Variants in ENTREP2 observed in about 807,000 individuals in gnomAD.
The protein encoded by ENTREP2 is endosomal transmembrane epsin interactor 2, also known as protein ENTREP2.
the ENTREP2 span, among the ~76,000 whole-genome samples, chr15:29,379,803 G>A: frequency 6.6e-6 from 1 of 152,150 alleles, no homozygotes; most frequent in South Asian, 2.1e-4. Flanking sequence ...GGGGGTGATT[G>A]GGTGATGGAC....
At chr15:29,583,913 G>A in the ENTREP2 span, among the ~76,000 whole-genome samples, 7 of 152,040 alleles carry the variant, frequency 4.6e-5, no homozygotes, top group African/African-American at 1.7e-4. Flanking sequence ...CCTAATGTAA[G>A]AACTAAAACT....
chr15:29,198,012 C>T, the ENTREP2 span, among the ~76,000 whole-genome samples: 4 of 152,156 alleles, frequency 2.6e-5, no homozygotes, highest in Admixed American at 1.3e-4. Flanking sequence ...CAGGTATCAA[C>T]ATGTCCGCCT....
chr15:29,197,681 G>A, the ENTREP2 span, among the ~76,000 whole-genome samples: 7 of 151,566 alleles, frequency 4.6e-5, no homozygotes, highest in East Asian at 5.8e-4. Context: ...CAGGAGAATC[G>A]CTTGAACCCA....
the ENTREP2 span, among the ~76,000 whole-genome samples, chr15:29,595,782 T>C: frequency 4.8e-4 from 73 of 152,358 alleles, 1 homozygote; most frequent in South Asian, 0.012. Flanking sequence ...TATGGTCTCA[T>C]GGATATTTAT....
At chr15:29,290,791 A>C in the ENTREP2 span, among the ~76,000 whole-genome samples, 1 of 152,168 alleles carries the variant, frequency 6.6e-6, no homozygotes, top group African/African-American at 2.4e-5. Context: ...TTCTATAGAA[A>C]GGACTCTTGC....
the ENTREP2 span, among the ~76,000 whole-genome samples, chr15:29,383,216 G>A: frequency 2.6e-5 from 4 of 152,068 alleles, no homozygotes; most frequent in African/African-American, 4.8e-5. Context: ...CCATGGCCAC[G>A]GCATCACACC....
the ENTREP2 span, among the ~76,000 whole-genome samples, chr15:29,304,483 G>GA: frequency 1.3e-5 from 2 of 152,154 alleles, no homozygotes; most frequent in Non-Finnish European, 2.9e-5. Flanking sequence ...TTAACACTAA[G>GA]AAAATCACTC....
the ENTREP2 span, among the ~76,000 whole-genome samples, chr15:29,531,443 G>T: frequency 3.3e-5 from 5 of 152,270 alleles, no homozygotes; most frequent in East Asian, 9.7e-4. Flanking sequence ...CAAGGGCCTA[G>T]AAGACAGGCC....
the ENTREP2 span, among the ~76,000 whole-genome samples, chr15:29,465,687 C>T: frequency 5.1e-3 from 770 of 152,290 alleles, 7 homozygotes; most frequent in African/African-American, 0.018. Flanking sequence ...AACAATCAAA[C>T]CCCAACATAA....
chr15:29,193,557 T>G, the ENTREP2 span, among the ~76,000 whole-genome samples: 1 of 152,258 alleles, frequency 6.6e-6, no homozygotes, highest in South Asian at 2.1e-4. Flanking sequence ...TGAGCCAAAC[T>G]CCCAGCTTTC....
At chr15:29,174,384 G>A in the ENTREP2 span, among the ~76,000 whole-genome samples, 6 of 152,152 alleles carry the variant, frequency 3.9e-5, no homozygotes, top group African/African-American at 1.2e-4. Context: ...CTTGTCCCAG[G>A]AGTCTGTGAA....
At chr15:29,221,204 C>CTT in the ENTREP2 span, among the ~76,000 whole-genome samples, 10 of 143,604 alleles carry the variant, frequency 7.0e-5, no homozygotes, top group South Asian at 2.2e-4. Context: ...GCAAATGACA[C>CTT]TTTTTTTTTT....
chr15:29,667,187 C>G, the ENTREP2 span, among the ~76,000 whole-genome samples: 4 of 151,138 alleles, frequency 2.6e-5, no homozygotes, highest in Non-Finnish European at 4.4e-5. Flanking sequence ...CTTTTCTTTT[C>G]TTTCCTTTTT....
At chr15:29,471,957 A>G in the ENTREP2 span, among the ~76,000 whole-genome samples, 7 of 152,096 alleles carry the variant, frequency 4.6e-5, no homozygotes, top group African/African-American at 1.7e-4. Flanking sequence ...GACAGTGGTC[A>G]CCCAAGGAGG....
the ENTREP2 span, among the ~76,000 whole-genome samples, chr15:29,485,853 G>C: frequency 6.6e-6 from 1 of 152,140 alleles, no homozygotes; most frequent in Admixed American, 6.5e-5. Flanking sequence ...TTATCAAAAA[G>C]ACAGAACGTA....
the ENTREP2 span, among the ~76,000 whole-genome samples, chr15:29,130,964 T>G: frequency 6.6e-6 from 1 of 152,214 alleles, no homozygotes; most frequent in African/African-American, 2.4e-5. Flanking sequence ...AGAGGGCTGT[T>G]GACAGGAGAC....
the ENTREP2 span, among the ~76,000 whole-genome samples, chr15:29,219,444 T>C: frequency 2.8e-4 from 43 of 151,748 alleles, no homozygotes; most frequent in African/African-American, 9.9e-4. Context: ...AGAACTACCA[T>C]TTGATCCAGC....
chr15:29,495,041 A>G, the ENTREP2 span, among the ~76,000 whole-genome samples: 1 of 152,158 alleles, frequency 6.6e-6, no homozygotes, highest in African/African-American at 2.4e-5. Flanking sequence ...ACTGATTTCA[A>G]TTACTTTGGA....
the ENTREP2 span, among the ~76,000 whole-genome samples, chr15:29,174,655 G>A: frequency 0.054 from 8,093 of 149,406 alleles, 760 homozygotes; most frequent in African/African-American, 0.19. Flanking sequence ...GCGCCACTGC[G>A]CTCTAGCCTG....
Sources: allele counts gnomAD v4.1 joint callset (sites outside exome capture counted in the v4.1 genomes callset), GRCh38; gene constraint gnomAD v4.1.1; transcripts MANE v1.5; gene names NCBI Gene and HGNC (gene_info 2026-07-23, HGNC 2026-07-21).